The following MNAT1 variants were observed in gnomAD, a reference collection of about 807,000 sequenced individuals.
MNAT1 encodes the protein CDK-activating kinase assembly factor MAT1.
A neutral mutation model predicts 42.0 loss-of-function variants in MNAT1; 43 were observed. That is an observed-to-expected ratio of 1.02 (90% CI 0.80 to 1.32). MNAT1 has a LOEUF of 1.32. MNAT1 is among the 40% of genes most tolerant of loss of function. The probability of loss-of-function intolerance (pLI) is 0.00; values close to 1 mark genes in which losing one functional copy is unlikely to be tolerated. For missense variants in MNAT1, 306 were observed against 350.4 expected (o/e 0.87, Z 1.01); for synonymous variants, 118 against 120.0 (o/e 0.98, Z 0.11).
chr14:60,926,802 C>T (rs2035776844), intron 7 of MNAT1, among the ~76,000 whole-genome samples: 1 of 152,242 alleles, frequency 6.6e-6, no homozygotes, highest in Non-Finnish European at 1.5e-5. Flanking sequence ...CTCCTCCCTT[C>T]CCTAGAGGTC....
At chr14:60,916,594 G>A (rs1319514507) in intron 7 of MNAT1, among the ~76,000 whole-genome samples, 5 of 152,170 alleles carry the variant, frequency 3.3e-5, no homozygotes, top group African/African-American at 9.7e-5. Flanking sequence ...ATTCGAGGCT[G>A]CAGTGAGCCA....
chr14:60,858,191 A>C (rs1304945200), intron 6 of MNAT1, among the ~76,000 whole-genome samples: 1 of 152,192 alleles, frequency 6.6e-6, no homozygotes, highest in Admixed American at 6.5e-5. Context: ...ACTCCTACCA[A>C]CAGTGTAAAA....
chr14:60,851,112 A>AGACAAACATTGGTCTGGTC (rs1225668625), intron 6 of MNAT1, among the ~76,000 whole-genome samples: 4 of 152,240 alleles, frequency 2.6e-5, no homozygotes, highest in Admixed American at 2.0e-4. Flanking sequence ...ATACATGAAA[A>AGACAAACATTGGTCTGGTC]GACAAACATT....
At position 60,734,869 on chromosome 14, in the gene MNAT1, G is replaced by A; in HGVS notation, c.7G>A (p.Asp3Asn). The part of the protein sequence containing the change: MD[D>N]QGCPRCKTTK... ...CTGTAGGAGGGAAACCGCCATGGAC[G>A]ATCAGGGTTGCCCTCGGTGTAAGAC... Residue 3 changes from aspartate to asparagine, a missense_variant, in exon 1 of 8, where the codon GAT (aspartate) becomes AAT (asparagine). This residue lies in a region of MNAT1 where 72 missense variants were observed against 111.0 expected (regional missense o/e 0.65). Coordinates refer to ENST00000261245, the MANE Select transcript of MNAT1 (RefSeq NM_002431.4). This position sits in a 1 kb window ranked among gnomAD's most constrained non-coding sequence, Gnocchi z 4.3. 6.2e-7 allele frequency: 1 copy of A among 1,614,116 alleles called. No homozygotes were observed. The highest frequency in any genetic ancestry group is 8.5e-7 in the Non-Finnish European group (1 of 1,179,992).
Position 60,945,248 on chromosome 14 carries a change from T to C in MNAT1, c.810-22981T>C, listed in dbSNP as rs184464352. ...TTTGAGACACAGGCAGCACTTTCAG[T>C]TTTTTTTCTAAATCCATCTTTTGAG... On this transcript the variant is annotated intron_variant, in intron 7 of 7. Transcript: ENST00000261245. 3.3e-5 allele frequency among the ~76,000 whole-genome samples: 5 copies of C among 152,074 alleles called. No individual in the cohort carries two copies. In the East Asian group the frequency reaches 7.7e-4, roughly 23 times the overall value.
chr14:60,868,832 CAA>C (rs2034260476), intron 6 of MNAT1, among the ~76,000 whole-genome samples: 1 of 151,782 alleles, frequency 6.6e-6, no homozygotes, highest in Non-Finnish European at 1.5e-5. Context: ...AAAAAATAAT[CAA>C]AGTCTAGAGA....
At chr14:60,958,376 T>C (rs2036522635) in intron 7 of MNAT1, among the ~76,000 whole-genome samples, 1 of 152,110 alleles carries the variant, frequency 6.6e-6, no homozygotes, top group Non-Finnish European at 1.5e-5. Context: ...TGCTGAGAAA[T>C]TCATCAGTGG....
chr14:60,817,282 G>A (rs2032744405), intron 5 of MNAT1, among the ~76,000 whole-genome samples: 1 of 151,602 alleles, frequency 6.6e-6, no homozygotes, highest in South Asian at 2.1e-4. Flanking sequence ...AGGAATCTTA[G>A]CAATACAGTT....
chr14:60,865,976 C>G (rs1007619688), intron 6 of MNAT1, among the ~76,000 whole-genome samples: 1 of 152,050 alleles, frequency 6.6e-6, no homozygotes, highest in Non-Finnish European at 1.5e-5. Context: ...GAGGTTCTCC[C>G]AAATTTCATT....
chr14:60,794,678 T>TATAA lies in MNAT1; in HGVS notation c.90-1538_90-1537insTAAA, dbSNP rs778005558. ...AAAAAAAAATATATATATATATATATAAAATAGGTATATATATACATATGT... is the reference window on the plus strand; with the variant it reads ...AAAAAAAAATATATATATATATATATATAAAAAATAGGTATATATATACATATGT... On this transcript the variant is annotated intron_variant, in intron 1 of 7. Transcript: ENST00000261245. 1.4e-4 allele frequency among the ~76,000 whole-genome samples: 19 copies of TATAA among 133,210 alleles called. 1 individual carries two copies. The highest frequency in any genetic ancestry group is 3.8e-3 in the Middle Eastern group (1 of 262). 87.4% of individuals were successfully genotyped at this position (133,210 alleles called of 152,430 possible).
At chr14:60,885,355 C>A (rs1194410586) in intron 7 of MNAT1, among the ~76,000 whole-genome samples, 1 of 151,790 alleles carries the variant, frequency 6.6e-6, no homozygotes, top group Non-Finnish European at 1.5e-5. Flanking sequence ...TTTTCTAGAT[C>A]TTTTAGGCAT....
chr14:60,963,369 T>C (rs1034129014), intron 7 of MNAT1, among the ~76,000 whole-genome samples: 1 of 152,198 alleles, frequency 6.6e-6, no homozygotes, highest in Admixed American at 6.5e-5. Flanking sequence ...TTAGAATATA[T>C]GGTTACCACT....
At chr14:60,757,895 T>C (rs541992949) in intron 1 of MNAT1, among the ~76,000 whole-genome samples, 15 of 152,136 alleles carry the variant, frequency 9.9e-5, no homozygotes, top group Non-Finnish European at 1.6e-4. Context: ...GAATCAGAGG[T>C]AATTTTTGCC....
chr14:60,900,949 C>G (rs563213623), intron 7 of MNAT1, among the ~76,000 whole-genome samples: 11 of 133,120 alleles, frequency 8.3e-5, no homozygotes, highest in Non-Finnish European at 1.5e-4. Flanking sequence ...GATCATGTCA[C>G]TGTACTCCAG....
intron 6 of MNAT1, among the ~76,000 whole-genome samples, chr14:60,845,574 C>T (rs1000318193): frequency 1.3e-5 from 2 of 151,964 alleles, no homozygotes; most frequent in African/African-American, 2.4e-5. Flanking sequence ...TCACATTAAG[C>T]ATATGATTTA....
intron 7 of MNAT1, among the ~76,000 whole-genome samples, chr14:60,959,474 C>T (rs1054377540): frequency 6.6e-6 from 1 of 152,136 alleles, no homozygotes; most frequent in Non-Finnish European, 1.5e-5. Context: ...CAGGCAGTAC[C>T]CTGAAAGTCT....
chr14:60,909,385 T>C (rs1010052777), intron 7 of MNAT1, among the ~76,000 whole-genome samples: 22 of 152,238 alleles, frequency 1.4e-4, no homozygotes, highest in Non-Finnish European at 2.2e-4. Context: ...GTTTTAAACA[T>C]GAAGTCCTTG....
chr14:60,884,964 C>A (rs573188119), intron 7 of MNAT1, among the ~76,000 whole-genome samples: 5 of 152,126 alleles, frequency 3.3e-5, no homozygotes, highest in Admixed American at 2.0e-4. Context: ...AACATTTTCA[C>A]CGGATATACT....
intron 5 of MNAT1, among the ~76,000 whole-genome samples, chr14:60,815,715 G>T (rs879640942): frequency 4.6e-5 from 7 of 152,094 alleles, no homozygotes; most frequent in Non-Finnish European, 8.8e-5. Context: ...AGTCATTACT[G>T]CACATACTTT....
Sources: allele counts gnomAD v4.1 joint callset (sites outside exome capture counted in the v4.1 genomes callset), GRCh38; gene constraint gnomAD v4.1.1; regional missense constraint gnomAD v4.1.1; non-coding constraint Gnocchi (gnomAD v3.1); transcripts MANE v1.5; gene names NCBI Gene and HGNC (gene_info 2026-07-23, HGNC 2026-07-21).